Variants in FDFT1 observed in about 807,000 individuals in gnomAD.
The protein encoded by FDFT1 is squalene synthase.
FDFT1 carries 68 observed loss-of-function variants against 46.8 expected under a neutral mutation model. That is an observed-to-expected ratio of 1.45 (90% CI 1.19 to 1.78). FDFT1 has a LOEUF of 1.78. Among genes scored for constraint, FDFT1 ranks in the 40% most tolerant of loss-of-function variants. FDFT1 has a pLI of 0.00. For missense variants in FDFT1, 928 were observed against 524.4 expected (o/e 1.77, Z -7.52); for synonymous variants, 351 against 185.1 (o/e 1.90, Z -7.28).
chr8:11,822,939 T>C (rs534010802), intron 4 of FDFT1, among the ~76,000 whole-genome samples: 1 of 152,232 alleles, frequency 6.6e-6, no homozygotes, highest in Non-Finnish European at 1.5e-5. Context: ...ATAGAAGTTT[T>C]GATCAGATAA....
chr8:11,834,946 A>G (rs1811334646), intron 7 of FDFT1, among the ~76,000 whole-genome samples: 1 of 152,346 alleles, frequency 6.6e-6, no homozygotes, highest in South Asian at 2.1e-4. Context: ...CAATATGGCA[A>G]AACCCTGTCT....
chr8:11,796,082 C>T (rs894898764), intron 1 of FDFT1: 4 of 152,178 alleles, frequency 2.6e-5, no homozygotes, highest in Non-Finnish European at 5.9e-5. Context: ...GGGGATTTAA[C>T]ATAGATTTTC....
chr8:11,836,632 G>C (rs996858003), intron 7 of FDFT1, among the ~76,000 whole-genome samples: 3 of 152,248 alleles, frequency 2.0e-5, no homozygotes, highest in African/African-American at 7.2e-5. Context: ...CTCAGGTTCT[G>C]CTTTTAGGAG....
chr8:11,816,529 C>T (rs1000053648), intron 3 of FDFT1, among the ~76,000 whole-genome samples: 1 of 152,144 alleles, frequency 6.6e-6, no homozygotes, highest in Non-Finnish European at 1.5e-5. Context: ...TTGTTTATGG[C>T]CTCTTTTATT....
chr8:11,823,681 G>GC (rs1809569266), intron 4 of FDFT1, among the ~76,000 whole-genome samples: 1 of 151,726 alleles, frequency 6.6e-6, no homozygotes, highest in Non-Finnish European at 1.5e-5. Flanking sequence ...AATCTTCCTT[G>GC]CCCTCAGCCT....
At chr8:11,803,654 C>G (rs971819775) in intron 1 of FDFT1, 3 of 454,670 alleles carry the variant, frequency 6.6e-6, no homozygotes, top group Non-Finnish European at 1.0e-5. Context: ...CAAATTCAGC[C>G]AAGTTCTTCT....
intron 7 of FDFT1, among the ~76,000 whole-genome samples, chr8:11,835,624 C>T (rs147425496): frequency 5.3e-5 from 8 of 152,040 alleles, no homozygotes; most frequent in Admixed American, 2.0e-4. Flanking sequence ...ATAAGTAAAT[C>T]TTTTTTCCCA....
chr8:11,808,401 T>G (rs1807177110), intron 1 of FDFT1: 2 of 1,236,130 alleles, frequency 1.6e-6, no homozygotes, highest in Non-Finnish European at 2.0e-6. Context: ...GCGGGCCCGT[T>G]GTGGGTCGGC....
Position 11,821,642 on chromosome 8 carries a change from A to T in FDFT1, c.382-108A>T, listed in dbSNP as rs564564388. The stretch of plus-strand genomic sequence containing the variant: ...TGTGTGACCTAAATTAGGCTTATAG[A>T]TGAACCATTGCAGTCATGATTAATT... On this transcript the variant is annotated intron_variant, in intron 3 of 7. Coordinates refer to ENST00000220584, the MANE Select transcript of FDFT1 (RefSeq NM_004462.5). 4.8e-4 allele frequency: 630 copies of T among 1,308,730 alleles called. 3 individuals carry two copies. The Middle Eastern group carries it at 6.6e-3, about 14-fold the overall frequency. 81.1% of individuals were successfully genotyped at this position (1,308,730 alleles called of 1,614,324 possible). A position where few individuals can be genotyped will look rare whatever the true frequency, so the allele number is the denominator to read the frequency against.
At chr8:11,803,304 G>C (rs566686484) in intron 1 of FDFT1, 3 of 1,306,060 alleles carry the variant, frequency 2.3e-6, no homozygotes, top group Admixed American at 4.5e-5. Flanking sequence ...TTTTTGGTAA[G>C]CGGAATGAAC....
At chr8:11,809,597 C>T (rs1219769772) in intron 2 of FDFT1, 70 bp from the exon 3 acceptor site, 3 of 1,461,476 alleles carry the variant, frequency 2.1e-6, no homozygotes, top group African/African-American at 1.4e-5. Flanking sequence ...TGGCCAGGCA[C>T]AAGTTATTTT....
chr8:11,799,898 A>G (rs1243950951), upstream of FDFT1, among the ~76,000 whole-genome samples: 1 of 147,856 alleles, frequency 6.8e-6, no homozygotes, highest in Non-Finnish European at 1.5e-5. Flanking sequence ...GTGAACCAAG[A>G]TCGCGCCACT....
intron 3 of FDFT1, among the ~76,000 whole-genome samples, chr8:11,810,933 T>TAAAAAAAAAAAAAAAAAAAAAAAAAAAA (rs71539744): frequency 1.1e-5 from 1 of 89,450 alleles, no homozygotes. Flanking sequence ...GAGCAATATT[T>TAAAAAAAAAAAAAAAAAAAAAAAAAAAA]AAAAAAAAAA....
Position 11,826,159 on chromosome 8 carries a change from A to G in FDFT1, c.646A>G (p.Ile216Val). 1 of 1,602,912 alleles carries G rather than the reference A, an allele frequency of 6.2e-7. No individual in the cohort carries two copies. The highest frequency in any genetic ancestry group is 1.3e-5 in the African/African-American group (1 of 74,914). The part of the protein sequence containing the change: ...SMGLFLQKTN[I>V]IRDYLEDQQG... ...GGGCCTGTTTTTGCAGAAAACAAAC[A>G]TCATCCGTGACTATCTGGAAGACCA... The change falls in exon 5 of 8, where the codon ATC (isoleucine) becomes GTC (valine). Residue 216 changes from isoleucine (I) to valine (V), a missense_variant. By Grantham distance (29) the Ile-to-Val change is conservative. Coordinates refer to ENST00000220584, the MANE Select transcript of FDFT1 (RefSeq NM_004462.5).
At chr8:11,797,407 A>G (rs1188141312), upstream of FDFT1, among the ~76,000 whole-genome samples, 1 of 152,200 alleles carries the variant, frequency 6.6e-6, no homozygotes, top group Non-Finnish European at 1.5e-5. Context: ...ATCACATAAC[A>G]TGTCTGTTTC....
chr8:11,825,539 C>CAAAAAAAAAAAAAAAAAAA (rs35076894), intron 4 of FDFT1, among the ~76,000 whole-genome samples: 1 of 94,794 alleles, frequency 1.1e-5, no homozygotes, highest in South Asian at 3.7e-4. Context: ...GACTTGATCT[C>CAAAAAAAAAAAAAAAAAAA]AAAAAAAAAA....
chr8:11,808,520 G>A (rs1193306928), intron 1 of FDFT1: 4 of 1,331,628 alleles, frequency 3.0e-6, no homozygotes, highest in South Asian at 2.1e-5. Context: ...CGATTCCCAT[G>A]GCCGCAGCCG....
intron 1 of FDFT1, chr8:11,808,231 A>G: frequency 1.7e-6 from 2 of 1,185,092 alleles, no homozygotes; most frequent in Non-Finnish European, 2.1e-6. Context: ...GCCCGAGTAG[A>G]GTTTGGTCTA....
At chr8:11,809,176 T>A in intron 2 of FDFT1, 1 of 1,263,538 alleles carries the variant, frequency 7.9e-7, no homozygotes, top group South Asian at 2.1e-5. Context: ...GAGCAGGTCG[T>A]GTATTTCTCG....
Sources: allele counts gnomAD v4.1 joint callset (sites outside exome capture counted in the v4.1 genomes callset), GRCh38; gene constraint gnomAD v4.1.1; transcripts MANE v1.5; gene names NCBI Gene and HGNC (gene_info 2026-07-23, HGNC 2026-07-21).